Variants in MAEA observed in about 807,000 individuals in gnomAD.
MAEA encodes the protein macrophage erythroblast attacher, E3 ubiquitin ligase.
A neutral mutation model predicts 46.2 loss-of-function variants in MAEA; 22 were observed. That is an observed-to-expected ratio of 0.48 (90% CI 0.34 to 0.68). The LOEUF (loss-of-function observed/expected upper bound fraction) is 0.68. Ranked by LOEUF, MAEA falls within the 30% of genes least tolerant of loss-of-function variation. MAEA has a pLI of 0.01. For synonymous variants in MAEA, 246 were observed against 222.6 expected, an observed-to-expected ratio of 1.11 and a Z score of -0.94; for missense variants, 393 against 558.1, an observed-to-expected ratio of 0.70 and a Z score of 2.98.
chr4:1,318,789 G>C (rs998414862), intron 3 of MAEA, among the ~76,000 whole-genome samples: 10 of 152,178 alleles, frequency 6.6e-5, no homozygotes, highest in Non-Finnish European at 1.3e-4. Flanking sequence ...TGGGACCCCA[G>C]TTTCCTACCT....
At position 1,320,615 on chromosome 4, in the gene MAEA, G is replaced by A. The variant is rs549535531; in HGVS notation, c.457-1766G>A. ...AATCAAAGCAAACGTGCAAGAAAAC[G>A]CTATGGAGGGGCATCAGAAAAGAAA... On this transcript the variant is annotated intron_variant, in intron 3 of 8. Coordinates refer to ENST00000303400, the MANE Select transcript of MAEA (RefSeq NM_001017405.3). 2.0e-3 allele frequency among the ~76,000 whole-genome samples: 305 copies of A among 149,382 alleles called. 6 individuals are homozygous for A. The highest frequency in any genetic ancestry group is 4.8e-3 in the South Asian group (23 of 4,746).
chr4:1,309,687 C>G, intron 1 of MAEA: 1 of 1,531,226 alleles, frequency 6.5e-7, no homozygotes, highest in Non-Finnish European at 8.7e-7. Context: ...GTGGGGTCTT[C>G]CAGTTGTGAA....
intron 3 of MAEA, among the ~76,000 whole-genome samples, chr4:1,315,911 C>T (rs1163150233): frequency 7.6e-6 from 1 of 131,002 alleles, no homozygotes; most frequent in African/African-American, 2.9e-5. Flanking sequence ...TCCCCCACCC[C>T]GTGTGTGTGT....
At chr4:1,332,924 C>A (rs1033492688) in intron 6 of MAEA, 59 bp downstream of exon 6, 1 of 1,359,538 alleles carries the variant, frequency 7.4e-7, no homozygotes, top group Admixed American at 2.0e-5. Context: ...GGGTGTGTCT[C>A]TGGTCTGTAG....
intron 2 of MAEA, among the ~76,000 whole-genome samples, chr4:1,314,810 A>G (rs374540183): frequency 9.2e-5 from 14 of 152,336 alleles, no homozygotes; most frequent in African/African-American, 3.4e-4. Flanking sequence ...GGAAGCCAAA[A>G]TTGGTAGAAT....
chr4:1,301,151 CATG>C (rs1735282252), intron 1 of MAEA, among the ~76,000 whole-genome samples: 1 of 152,254 alleles, frequency 6.6e-6, no homozygotes, highest in African/African-American at 2.4e-5. Flanking sequence ...CTGGTGAAAA[CATG>C]ATGATGACAC....
chr4:1,308,878 C>G (rs1178145284), intron 1 of MAEA, among the ~76,000 whole-genome samples: 3 of 152,202 alleles, frequency 2.0e-5, no homozygotes, highest in Non-Finnish European at 4.4e-5. Flanking sequence ...GTTTTTCCTG[C>G]TCTGCAGTTT....
chr4:1,338,381 GC>G, intron 7 of MAEA, 40 bp from the exon 8 acceptor site: 1 of 1,551,644 alleles, frequency 6.4e-7, no homozygotes. Context: ...CACCCCGGCT[GC>G]CCTGAGTGGC....
intron 1 of MAEA, chr4:1,309,907 G>T: frequency 7.8e-7 from 1 of 1,287,182 alleles, no homozygotes; most frequent in Non-Finnish European, 9.9e-7. Flanking sequence ...GGAAAGTCCA[G>T]AAAGGCCCCG....
intron 1 of MAEA, among the ~76,000 whole-genome samples, chr4:1,301,428 TC>T (rs766204262): frequency 4.6e-5 from 7 of 152,192 alleles, no homozygotes; most frequent in Non-Finnish European, 8.8e-5. Flanking sequence ...AGTAGAGAAA[TC>T]CCGTGAACAT....
At chr4:1,307,472 T>C (rs571033133) in intron 1 of MAEA, among the ~76,000 whole-genome samples, 2 of 152,404 alleles carry the variant, frequency 1.3e-5, no homozygotes, top group South Asian at 4.1e-4. Context: ...TCACCCATGT[T>C]ACAGTGAGTG....
intron 3 of MAEA, among the ~76,000 whole-genome samples, chr4:1,321,652 C>T (rs978189094): frequency 5.3e-5 from 8 of 152,178 alleles, no homozygotes; most frequent in South Asian, 2.1e-4. Context: ...GCGGAGGTGC[C>T]GTCCTTGGTC....
intron 5 of MAEA, chr4:1,332,472 T>C (rs562239200): frequency 2.6e-5 from 8 of 313,632 alleles, no homozygotes; most frequent in East Asian, 2.5e-4. Context: ...CCCAGCACTT[T>C]GGGAGGCCGG....
chr4:1,301,069 T>C (rs1560331994), intron 1 of MAEA, among the ~76,000 whole-genome samples: 2 of 152,164 alleles, frequency 1.3e-5, no homozygotes, highest in Non-Finnish European at 1.5e-5. Context: ...GTGATCAATA[T>C]TTAGAAACCT....
chr4:1,323,998 G>A (rs934250254), intron 4 of MAEA, among the ~76,000 whole-genome samples: 1 of 151,430 alleles, frequency 6.6e-6, no homozygotes, highest in African/African-American at 2.4e-5. Flanking sequence ...TGGATGAGTT[G>A]AGATTGGATG....
intron 1 of MAEA, among the ~76,000 whole-genome samples, chr4:1,306,270 T>G (rs1735821159): frequency 6.6e-6 from 1 of 152,244 alleles, no homozygotes; most frequent in Non-Finnish European, 1.5e-5. Context: ...TGATGACTCA[T>G]GATGTTGCAC....
intron 3 of MAEA, among the ~76,000 whole-genome samples, chr4:1,318,575 C>T (rs56184931): frequency 4.8e-4 from 73 of 152,024 alleles, no homozygotes; most frequent in Admixed American, 2.0e-3. Flanking sequence ...GACTGGGTTG[C>T]GGGGGAGGGG....
At chr4:1,338,154 C>T (rs899154192) in intron 7 of MAEA, 18 of 428,434 alleles carry the variant, frequency 4.2e-5, no homozygotes, top group Admixed American at 1.1e-4. Context: ...GAGAGGGCGG[C>T]GGGCGACGGA....
At chr4:1,296,609 C>G (rs1734751691) in intron 1 of MAEA, among the ~76,000 whole-genome samples, 1 of 147,278 alleles carries the variant, frequency 6.8e-6, no homozygotes, top group Non-Finnish European at 1.5e-5. Flanking sequence ...GTGCACGTGG[C>G]TCTGAGTCTT....
Sources: allele counts gnomAD v4.1 joint callset (sites outside exome capture counted in the v4.1 genomes callset), GRCh38; gene constraint gnomAD v4.1.1; transcripts MANE v1.5; gene names NCBI Gene and HGNC (gene_info 2026-07-23, HGNC 2026-07-21).